Variants in PTPN3 observed in about 807,000 individuals in gnomAD.
The protein encoded by PTPN3 is protein tyrosine phosphatase non-receptor type 3.
In PTPN3, 96 loss-of-function variants were observed where a neutral mutation model predicts 132.7. The ratio of observed to expected loss-of-function variants is 0.72; its 90% CI spans 0.61 to 0.86. The LOEUF (loss-of-function observed/expected upper bound fraction) is 0.86. Among genes scored for constraint, PTPN3 ranks in the 40% least tolerant of loss-of-function variants. The pLI, the probability that PTPN3 is intolerant of heterozygous loss-of-function variation, is 0.00. For synonymous variants in PTPN3, 398 were observed against 429.0 expected (o/e 0.93, Z 0.89); for missense variants, 1,125 against 1,159.6 (o/e 0.97, Z 0.43).
chr9:109,477,187 G>A (rs1846714934), intron 1 of PTPN3, among the ~76,000 whole-genome samples: 1 of 152,134 alleles, frequency 6.6e-6, no homozygotes, highest in African/African-American at 2.4e-5. Flanking sequence ...GGTAAACGGA[G>A]CCCCACACTT....
intron 5 of PTPN3, chr9:109,451,342 A>C (rs2132006209): frequency 1.0e-6 from 1 of 976,644 alleles, no homozygotes; most frequent in Non-Finnish European, 1.2e-6. Flanking sequence ...AAATCCCAGA[A>C]GGTCATAGTT....
intron 19 of PTPN3, among the ~76,000 whole-genome samples, chr9:109,395,073 G>A (rs952662618): frequency 1.3e-5 from 2 of 151,412 alleles, no homozygotes; most frequent in African/African-American, 2.4e-5. Flanking sequence ...CAGGGAGGCA[G>A]AGCTTGCAGT....
intron 10 of PTPN3, among the ~76,000 whole-genome samples, chr9:109,430,625 A>G (rs1026827127): frequency 2.9e-4 from 44 of 152,206 alleles, no homozygotes; most frequent in African/African-American, 1.0e-3. Flanking sequence ...ACATGGAGCC[A>G]CTGCCATCCA....
the PTPN3 span, among the ~76,000 whole-genome samples, chr9:109,526,564 A>G: frequency 6.6e-6 from 1 of 152,120 alleles, no homozygotes; most frequent in Non-Finnish European, 1.5e-5. Flanking sequence ...GGTCCCAGCT[A>G]TGTGGGAGGC....
At position 109,376,257 on chromosome 9, in the gene PTPN3, C is replaced by T. The variant is rs1173738885; in HGVS notation, c.*3299G>A. Reference sequence around the variant, plus strand: ...TCTTGCCTAAGTCCAGGTCTAGACCCAAGCCCTGCCTCTCACAATCTTTCC... The same window carrying T: ...TCTTGCCTAAGTCCAGGTCTAGACCTAAGCCCTGCCTCTCACAATCTTTCC... On this transcript the variant is annotated 3_prime_UTR_variant, in exon 26 of 26. Transcript: ENST00000374541. 2.0e-5 allele frequency: 3 copies of T among 152,116 alleles called. No homozygotes were observed. The highest frequency in any genetic ancestry group is 7.2e-5 in the African/African-American group (3 of 41,408). The allele number at this position is 152,116 out of a possible 1,614,324, so 9.4% of individuals were successfully genotyped here.
chr9:109,395,504 C>T (rs372872496), intron 19 of PTPN3, among the ~76,000 whole-genome samples: 8 of 151,888 alleles, frequency 5.3e-5, no homozygotes, highest in South Asian at 2.1e-4. Flanking sequence ...AGTTGGTTTT[C>T]GGCTGGGCAC....
intron 5 of PTPN3, chr9:109,451,372 G>A: frequency 1.0e-6 from 1 of 971,736 alleles, no homozygotes; most frequent in South Asian, 4.8e-5. Context: ...TCCACAACGG[G>A]ATACCACCCT....
chr9:109,384,431 G>A (rs2131598158), intron 22 of PTPN3, among the ~76,000 whole-genome samples: 1 of 152,326 alleles, frequency 6.6e-6, no homozygotes, highest in Admixed American at 6.5e-5. Flanking sequence ...CCAAGGCCAT[G>A]AGGTCACAGT....
At chr9:109,397,576 C>G (rs1840702257) in intron 19 of PTPN3, 1 of 152,234 alleles carries the variant, frequency 6.6e-6, no homozygotes, top group African/African-American at 2.4e-5. Flanking sequence ...TCCTTTGTAT[C>G]TGACCCAGCC....
chr9:109,379,519 C>T lies in PTPN3; in HGVS notation c.*37G>A. ...CTGTCCTCCTCTTTCAAGGAGGATG[C>T]CCTTGGGAAAGAGGAATGAACTTTT... On this transcript the variant is annotated 3_prime_UTR_variant, in exon 26 of 26. Coordinates refer to ENST00000374541, the MANE Select transcript of PTPN3 (RefSeq NM_002829.4). 4 of 1,568,900 alleles carry T rather than the reference C, an allele frequency of 2.5e-6. No homozygotes were observed. The South Asian group carries it at 3.3e-5, about 13-fold the overall frequency.
chr9:109,450,817 C>T (rs1007375650), intron 5 of PTPN3: 2 of 985,334 alleles, frequency 2.0e-6, no homozygotes, highest in Admixed American at 6.1e-5. Context: ...GGGTACCCCA[C>T]CTGTGACCTC....
intron 12 of PTPN3, among the ~76,000 whole-genome samples, chr9:109,424,612 G>A (rs1366887150): frequency 3.3e-5 from 5 of 152,192 alleles, no homozygotes. Flanking sequence ...GTATCCAGAT[G>A]GGGATGCTAA....
At chr9:109,498,757 C>CTCCTGCTTCCCACCTCCGTCTCA (rs1409076518), upstream of PTPN3, among the ~76,000 whole-genome samples, 57 of 152,192 alleles carry the variant, frequency 3.7e-4, 1 homozygote, top group Non-Finnish European at 2.6e-4. This position sits in a 1 kb window ranked among gnomAD's most constrained non-coding sequence, Gnocchi z 4.2. Flanking sequence ...CTGATCTGTG[C>CTCCTGCTTCCCACCTCCGTCTCA]TCCTGCTTCC....
chr9:109,455,147 T>C (rs1845494637), intron 4 of PTPN3, among the ~76,000 whole-genome samples: 1 of 152,240 alleles, frequency 6.6e-6, no homozygotes, highest in Non-Finnish European at 1.5e-5. Flanking sequence ...ATTTTTAAAC[T>C]AGAAAATATC....
At chr9:109,513,920 T>C in the PTPN3 span, among the ~76,000 whole-genome samples, 5 of 152,266 alleles carry the variant, frequency 3.3e-5, no homozygotes, top group South Asian at 6.2e-4. Flanking sequence ...TGAGGGCCAG[T>C]TCTGAATTTT....
chr9:109,471,347 C>T (rs572837268), intron 1 of PTPN3, among the ~76,000 whole-genome samples: 1 of 152,302 alleles, frequency 6.6e-6, no homozygotes, highest in East Asian at 1.9e-4. Context: ...CGTGAGCCAT[C>T]GTGCCCGGCC....
At chr9:109,533,407 A>G in the PTPN3 span, 2 of 1,035,396 alleles carry the variant, frequency 1.9e-6, no homozygotes, top group African/African-American at 1.6e-5. Context: ...CGGCCTCTCA[A>G]AGTGCTGGGA....
chr9:109,391,645 C>T, intron 19 of PTPN3, 84 bp from the exon 20 acceptor site: 1 of 1,118,252 alleles, frequency 8.9e-7, no homozygotes, highest in South Asian at 1.5e-5. Flanking sequence ...TTCACAGTAC[C>T]AAAATCTTAA....
At chr9:109,438,625 C>T (rs142168847) in intron 7 of PTPN3, among the ~76,000 whole-genome samples, 1 of 152,328 alleles carries the variant, frequency 6.6e-6, no homozygotes, top group African/African-American at 2.4e-5. Context: ...CCATATGCCA[C>T]ACACGGTGCA....
Sources: allele counts gnomAD v4.1 joint callset (sites outside exome capture counted in the v4.1 genomes callset), GRCh38; gene constraint gnomAD v4.1.1; non-coding constraint Gnocchi (gnomAD v3.1); transcripts MANE v1.5; gene names NCBI Gene and HGNC (gene_info 2026-07-23, HGNC 2026-07-21).